The following SCIN variants were observed in gnomAD, a reference collection of about 807,000 sequenced individuals.
The protein encoded by SCIN is adseverin.
Under a neutral mutation model 91.8 loss-of-function variants are expected in SCIN, and 91 were observed. The ratio of observed to expected loss-of-function variants is 0.99; its 90% CI spans 0.84 to 1.18. The LOEUF (loss-of-function observed/expected upper bound fraction) is 1.18. SCIN is among the 50% of genes most tolerant of loss of function. The pLI is 0.00. For missense variants in SCIN, 1,087 were observed against 863.9 expected (o/e 1.26, Z -3.24); for synonymous variants, 367 against 312.6 (o/e 1.17, Z -1.84).
At chr7:12,629,419 T>C (rs1783599054) in intron 9 of SCIN, among the ~76,000 whole-genome samples, 197 bp downstream of exon 9, 1 of 152,164 alleles carries the variant, frequency 6.6e-6, no homozygotes, top group Non-Finnish European at 1.5e-5. Flanking sequence ...AGGAGTCACA[T>C]AAAGATCATG....
intron 4 of SCIN, among the ~76,000 whole-genome samples, chr7:12,606,665 C>CA (rs1783085848): frequency 6.6e-6 from 1 of 152,106 alleles, no homozygotes; most frequent in African/African-American, 2.4e-5. Flanking sequence ...TGTATTCATA[C>CA]ATATGTACAT....
intron 3 of SCIN, among the ~76,000 whole-genome samples, chr7:12,604,213 G>A (rs975133521): frequency 1.3e-5 from 2 of 151,970 alleles, no homozygotes; most frequent in Admixed American, 6.6e-5. Flanking sequence ...TTTCTGAAGT[G>A]TGGTATATTT....
At chr7:12,640,616 C>G (rs1165900586) in intron 11 of SCIN, 99 bp downstream of exon 11, 4 of 1,059,660 alleles carry the variant, frequency 3.8e-6, no homozygotes, top group African/African-American at 1.7e-5. Context: ...GGCAAATAAA[C>G]TCCCTTCATT....
intron 3 of SCIN, among the ~76,000 whole-genome samples, chr7:12,596,670 A>T (rs141073500): frequency 2.2e-5 from 3 of 138,704 alleles, no homozygotes; most frequent in Non-Finnish European, 4.6e-5. Flanking sequence ...GCTTTTTGTT[A>T]AAGTATGACT....
intron 1 of SCIN, 77 bp downstream of exon 1, chr7:12,571,062 G>T: frequency 2.8e-6 from 4 of 1,434,972 alleles, no homozygotes; most frequent in Non-Finnish European, 3.7e-6. Flanking sequence ...AGATTTGCAG[G>T]CGTGGGAGTA....
intron 3 of SCIN, chr7:12,589,020 C>G (rs1025895798): frequency 2.0e-5 from 3 of 152,306 alleles, no homozygotes; most frequent in Non-Finnish European, 4.4e-5. Flanking sequence ...AGCATCATGT[C>G]TTGTACTGTT....
rs1485472395 is a variant in SCIN at position 12,656,921 on chromosome 7, G to C, written c.*4206G>C. ...CGTGACGATGAGAGTCTCCGTCTCG[G>C]GGGAAGAAAAAAAAAACCTGTAAAA... is the stretch of plus-strand genomic sequence containing the variant. On this transcript the variant is annotated 3_prime_UTR_variant, in exon 16 of 16. Coordinates refer to ENST00000297029, the MANE Select transcript of SCIN (RefSeq NM_001112706.3). 1 of 151,364 alleles carries C rather than the reference G, an allele frequency of 6.6e-6. No individual in the cohort carries two copies. Among genetic ancestry groups the C allele is most frequent in the Non-Finnish European group, 1.5e-5 (1 of 67,856 alleles). The allele number at this position is 151,364 out of a possible 1,614,324, so 9.4% of individuals were successfully genotyped here.
intron 3 of SCIN, among the ~76,000 whole-genome samples, chr7:12,604,150 T>C (rs1054824924): frequency 6.6e-6 from 1 of 152,144 alleles, no homozygotes; most frequent in Non-Finnish European, 1.5e-5. Flanking sequence ...AAAAATGTTA[T>C]ATCCATTTTA....
intron 3 of SCIN, among the ~76,000 whole-genome samples, chr7:12,598,373 T>A (rs772355687): frequency 2.7e-4 from 41 of 152,310 alleles, no homozygotes; most frequent in Middle Eastern, 6.8e-3. Context: ...CATAACTAAC[T>A]ACCTCTGAAT....
intron 2 of SCIN, among the ~76,000 whole-genome samples, chr7:12,580,116 T>C (rs1370512232): frequency 3.9e-5 from 6 of 152,128 alleles, no homozygotes; most frequent in African/African-American, 1.4e-4. Context: ...AAATTTAAAA[T>C]CAATGGAAAA....
chr7:12,577,934 A>G lies in SCIN; in HGVS notation c.200-130A>G, dbSNP rs569555441. On this transcript the variant is annotated intron_variant, in intron 1 of 15. Transcript: ENST00000297029. The stretch of plus-strand genomic sequence containing the variant: ...TTACATACAGTATTTTAGCTAAAAG[A>G]TCTTTGTGTAGAAGACTGTTGGATT... 6.1e-5 allele frequency: 46 copies of G among 752,790 alleles called. No homozygotes were observed. The East Asian group carries it at 9.3e-4, about 15-fold the overall frequency. 46.6% of individuals were successfully genotyped at this position (752,790 alleles called of 1,614,324 possible).
At chr7:12,575,441 A>C (rs1433602085) in intron 1 of SCIN, among the ~76,000 whole-genome samples, 2 of 152,048 alleles carry the variant, frequency 1.3e-5, no homozygotes, top group Non-Finnish European at 2.9e-5. Context: ...TTTTATGGGA[A>C]AAACATTTAG....
At position 12,644,279 on chromosome 7, in the gene SCIN, T is replaced by A; in HGVS notation, c.1723T>A (p.Cys575Ser). The A allele has an allele frequency of 6.3e-7, 1 of 1,597,000 alleles. No individual in the cohort carries two copies. The highest frequency in any genetic ancestry group is 8.5e-7 in the Non-Finnish European group (1 of 1,171,272). Residue 575 changes from cysteine to serine, a missense_variant, in exon 12 of 16, where the codon TGC becomes AGC. Transcript: ENST00000297029. Reference sequence around the variant, plus strand: ...AGAGTATGTAGCAAGTGTCCTAAAGTGCAAAACCTTAAGGATCCAAGAAGG... The same window carrying A: ...AGAGTATGTAGCAAGTGTCCTAAAGAGCAAAACCTTAAGGATCCAAGAAGG... ...GAEYVASVLK[C>S]KTLRIQEGEE...
rs367751197 is a variant in SCIN at position 12,655,396 on chromosome 7, A to G, written c.*2681A>G. The G allele has an allele frequency of 1.3e-4, 20 of 152,330 alleles. No individual in the cohort carries two copies. Among genetic ancestry groups the G allele is most frequent in the African/African-American group, 4.8e-4 (20 of 41,580 alleles). The allele number at this position is 152,330 out of a possible 1,614,324, so 9.4% of individuals were successfully genotyped here. On this transcript the variant is annotated 3_prime_UTR_variant, in exon 16 of 16. Coordinates refer to ENST00000297029, the MANE Select transcript of SCIN (RefSeq NM_001112706.3). Reference sequence around the variant, plus strand: ...GCTACTTAAGGAATTCCTTTCACTGAAAAGAAACTCTTACAAATCAATGAG... The same window carrying G: ...GCTACTTAAGGAATTCCTTTCACTGGAAAGAAACTCTTACAAATCAATGAG...
At chr7:12,646,162 A>G (rs1562635706) in intron 13 of SCIN, among the ~76,000 whole-genome samples, 1 of 152,256 alleles carries the variant, frequency 6.6e-6, no homozygotes, top group Admixed American at 6.5e-5. Flanking sequence ...CTTCCAGTCC[A>G]GTCAGAAGTA....
chr7:12,586,065 G>A (rs1208775181), intron 3 of SCIN, among the ~76,000 whole-genome samples: 2 of 152,034 alleles, frequency 1.3e-5, no homozygotes, highest in Non-Finnish European at 2.9e-5. Context: ...TATATTGCTT[G>A]TCCATTTACT....
At chr7:12,621,830 G>T (rs1783417224) in intron 4 of SCIN, among the ~76,000 whole-genome samples, 1 of 151,554 alleles carries the variant, frequency 6.6e-6, no homozygotes. Context: ...ACTCATGCAA[G>T]GATTAAAGTA....
chr7:12,635,892 T>G (rs1336725715), intron 9 of SCIN, among the ~76,000 whole-genome samples, 153 bp from the exon 10 acceptor site: 1 of 152,176 alleles, frequency 6.6e-6, no homozygotes, highest in Non-Finnish European at 1.5e-5. Context: ...GTTAGATACC[T>G]TGACAAAAAC....
chr7:12,622,670 A>C (rs2115270758), intron 4 of SCIN, 131 bp from the exon 5 acceptor site: 1 of 644,204 alleles, frequency 1.6e-6, no homozygotes, highest in South Asian at 1.9e-5. Context: ...TGCATTGATG[A>C]GAAGTGTTTG....
Sources: gnomAD v4.1 joint callset for allele counts (sites outside exome capture counted in the v4.1 genomes callset) on GRCh38, gnomAD v4.1.1 for gene constraint, MANE v1.5 for transcripts, NCBI Gene and HGNC (gene_info 2026-07-23, HGNC 2026-07-21) for gene names.